Variants in RORA observed in about 807,000 individuals in gnomAD.
RORA encodes the protein RAR related orphan receptor A, also known as nuclear receptor ROR-alpha.
Under a neutral mutation model 69.5 loss-of-function variants are expected in RORA, and 7 were observed. The observed-to-expected ratio is 0.10, with a 90% CI of 0.06 to 0.19. The LOEUF is 0.19. Ranked by LOEUF, RORA falls within the 10% of genes least tolerant of loss-of-function variation. The pLI is 1.00. For missense variants in RORA, 457 were observed against 663.0 expected, an observed-to-expected ratio of 0.69 and a Z score of 3.41; for synonymous variants, 261 against 240.8, an observed-to-expected ratio of 1.08 and a Z score of -0.78.
At chr15:60,763,892 T>C (rs1331765370) in intron 1 of RORA, 2 of 152,216 alleles carry the variant, frequency 1.3e-5, no homozygotes, top group African/African-American at 2.4e-5. Flanking sequence ...TCTCTGAGGC[T>C]GCTCCCTTTG....
At chr15:60,681,083 T>C (rs1388855348) in intron 1 of RORA, among the ~76,000 whole-genome samples, 1 of 151,556 alleles carries the variant, frequency 6.6e-6, no homozygotes, top group East Asian at 1.9e-4. Context: ...AATCAGAAAA[T>C]GTATTGGAAT....
rs2078052193 is a variant in RORA at position 61,053,864 on chromosome 15, A to ATATATATATATATATATAT, written c.166+175188_166+175189insATATATATATATATATATA. Among the ~76,000 whole-genome samples, 3 of 18,850 alleles carry ATATATATATATATATATAT rather than the reference A, an allele frequency of 1.6e-4. 1 individual carries two copies. The highest frequency in any genetic ancestry group is 1.5e-3 in the Admixed American group (3 of 1,956). 12.4% of individuals were successfully genotyped at this position (18,850 alleles called of 152,430 possible). On this transcript the variant is annotated intron_variant, in intron 1 of 10. Coordinates refer to ENST00000335670, the MANE Select transcript of RORA (RefSeq NM_134261.3). Reference sequence around the variant, plus strand: ...AGACTTCATGATATATATATATATAAACATTCTTCAGGGAGGGTTTCCTTC... The same window carrying ATATATATATATATATATAT: ...AGACTTCATGATATATATATATATAATATATATATATATATATATACATTCTTCAGGGAGGGTTTCCTTC...
At chr15:60,625,666 C>T (rs935602794) in intron 2 of RORA, among the ~76,000 whole-genome samples, 1 of 152,186 alleles carries the variant, frequency 6.6e-6, no homozygotes, top group African/African-American at 2.4e-5. Flanking sequence ...GGAATTATCT[C>T]TAAAGATGTG....
chr15:60,740,274 A>C (rs2071559051), intron 1 of RORA, among the ~76,000 whole-genome samples: 1 of 152,154 alleles, frequency 6.6e-6, no homozygotes, highest in Non-Finnish European at 1.5e-5. Flanking sequence ...CTTCAGAAGA[A>C]AAATCACCTC....
intron 1 of RORA, among the ~76,000 whole-genome samples, chr15:61,224,755 C>T (rs1322637811): frequency 1.3e-5 from 2 of 152,152 alleles, no homozygotes; most frequent in African/African-American, 4.8e-5. Context: ...CATTTTTATC[C>T]GGAGGCACAT....
rs560503120 is a variant in RORA at position 61,024,250 on chromosome 15, A to C, written c.166+204803T>G. On this transcript the variant is annotated intron_variant, in intron 1 of 10. Coordinates refer to ENST00000335670, the MANE Select transcript of RORA (RefSeq NM_134261.3). ...ACAAGTAGCATTCATCCTAGGAAAA[A>C]GCAGAACTTTCTTGGATCTCTTTTT... Among the ~76,000 whole-genome samples, 84 of 150,108 alleles carry C rather than the reference A, an allele frequency of 5.6e-4. No individual in the cohort carries two copies. The Middle Eastern group carries it at 0.021, about 38-fold the overall frequency.
chr15:60,589,968 G>T (rs2068449699), intron 2 of RORA, among the ~76,000 whole-genome samples: 1 of 152,120 alleles, frequency 6.6e-6, no homozygotes, highest in Admixed American at 6.6e-5. Context: ...AAGCAATAGG[G>T]AAGTATTTAA....
At chr15:60,979,211 G>A (rs184340898) in intron 1 of RORA, among the ~76,000 whole-genome samples, 97 of 148,510 alleles carry the variant, frequency 6.5e-4, no homozygotes, top group African/African-American at 1.9e-3. Context: ...TGATGCACCC[G>A]CCTCAGCCTC....
intron 1 of RORA, among the ~76,000 whole-genome samples, chr15:60,946,316 G>A (rs373879819): frequency 1.3e-5 from 2 of 152,194 alleles, no homozygotes; most frequent in African/African-American, 4.8e-5. Context: ...CTCTGATGAC[G>A]AGCCGAAGCG....
chr15:61,222,354 AC>A (rs1419256789), intron 1 of RORA, among the ~76,000 whole-genome samples: 4 of 152,358 alleles, frequency 2.6e-5, no homozygotes, highest in African/African-American at 9.6e-5. Flanking sequence ...TTAAGGCCAT[AC>A]AAATATGTTA....
intron 1 of RORA, among the ~76,000 whole-genome samples, chr15:60,688,468 G>A (rs1317982853): frequency 6.6e-6 from 1 of 152,120 alleles, no homozygotes. Context: ...AAGATAAAAT[G>A]AAATAAAGCA....
intron 2 of RORA, among the ~76,000 whole-genome samples, chr15:60,675,315 G>A (rs150270099): frequency 1.5e-4 from 23 of 152,292 alleles, no homozygotes; most frequent in Non-Finnish European, 2.8e-4. Flanking sequence ...AAGCAATCTT[G>A]AAGGGGTCCA....
At chr15:61,009,605 A>G (rs1054093288) in intron 1 of RORA, among the ~76,000 whole-genome samples, 4 of 152,228 alleles carry the variant, frequency 2.6e-5, no homozygotes, top group African/African-American at 9.6e-5. Context: ...AACAGTGAGA[A>G]ATGGAAACAT....
At chr15:60,594,282 C>A (rs1352065358) in intron 2 of RORA, among the ~76,000 whole-genome samples, 1 of 152,204 alleles carries the variant, frequency 6.6e-6, no homozygotes, top group Admixed American at 6.5e-5. Flanking sequence ...CTATATCTCC[C>A]AATGAGGCAA....
chr15:60,525,040 G>A (rs375375357), intron 3 of RORA, among the ~76,000 whole-genome samples: 38 of 152,076 alleles, frequency 2.5e-4, no homozygotes, highest in African/African-American at 8.9e-4. Context: ...AGACAAACAT[G>A]TAGGGCCGAC....
At chr15:60,770,169 T>A (rs1382345236) in intron 1 of RORA, among the ~76,000 whole-genome samples, 1 of 152,242 alleles carries the variant, frequency 6.6e-6, no homozygotes, top group Admixed American at 6.5e-5. Context: ...TTCTGAATGC[T>A]GCCCATTTAA....
chr15:60,536,931 C>A (rs1256557178), intron 2 of RORA, among the ~76,000 whole-genome samples: 1 of 152,170 alleles, frequency 6.6e-6, no homozygotes, highest in East Asian at 1.9e-4. Flanking sequence ...TTAGATATTT[C>A]TCTAATGTTT....
At chr15:61,194,429 G>A (rs2079828728) in intron 1 of RORA, among the ~76,000 whole-genome samples, 1 of 151,994 alleles carries the variant, frequency 6.6e-6, no homozygotes, top group African/African-American at 2.4e-5. Flanking sequence ...GCGTAGTGGT[G>A]GTGCATGCCT....
At chr15:60,776,370 G>A (rs2072167040) in intron 1 of RORA, among the ~76,000 whole-genome samples, 1 of 152,160 alleles carries the variant, frequency 6.6e-6, no homozygotes, top group African/African-American at 2.4e-5. Flanking sequence ...AGGAGAGGAG[G>A]GAAATAAAAC....
Sources: gnomAD v4.1 joint callset for allele counts (sites outside exome capture counted in the v4.1 genomes callset) on GRCh38, gnomAD v4.1.1 for gene constraint, MANE v1.5 for transcripts, NCBI Gene and HGNC (gene_info 2026-07-23, HGNC 2026-07-21) for gene names.